Variants in DTD1 observed in about 807,000 individuals in gnomAD.
The protein encoded by DTD1 is D-aminoacyl-tRNA deacylase 1.
DTD1 carries 13 observed loss-of-function variants against 25.6 expected under a neutral mutation model. The ratio of observed to expected loss-of-function variants is 0.51; its 90% confidence interval spans 0.33 to 0.81. DTD1 has a LOEUF of 0.81. Ranked by LOEUF, DTD1 falls within the 30% of genes least tolerant of loss-of-function variation. The pLI is 0.02. For missense variants in DTD1, 193 were observed against 266.4 expected, an observed-to-expected ratio of 0.72 and a Z score of 1.92; for synonymous variants, 110 against 103.6, an observed-to-expected ratio of 1.06 and a Z score of -0.37.
intron 4 of DTD1, among the ~76,000 whole-genome samples, chr20:18,663,045 C>T (rs2122375709): frequency 6.6e-6 from 1 of 152,288 alleles, no homozygotes; most frequent in South Asian, 2.1e-4. Context: ...GTCTTATCCT[C>T]TCACTTCCCT....
intron 4 of DTD1, among the ~76,000 whole-genome samples, chr20:18,657,015 TG>T (rs1471799737): frequency 1.5e-4 from 23 of 152,248 alleles, no homozygotes; most frequent in Non-Finnish European, 4.4e-5. Flanking sequence ...CCTTAATGGT[TG>T]TTTTTTTTGT....
chr20:18,656,644 A>G (rs998777214), intron 4 of DTD1, among the ~76,000 whole-genome samples: 2 of 152,142 alleles, frequency 1.3e-5, no homozygotes, highest in Non-Finnish European at 2.9e-5. Flanking sequence ...GCCATTGTAG[A>G]TTTGACAGCT....
At chr20:18,690,186 G>C (rs984449087) in intron 4 of DTD1, among the ~76,000 whole-genome samples, 3 of 128,440 alleles carry the variant, frequency 2.3e-5, no homozygotes, top group African/African-American at 8.3e-5. Context: ...GTAAAAAATT[G>C]AATTATTTGT....
intron 4 of DTD1, among the ~76,000 whole-genome samples, chr20:18,634,479 A>G (rs1352476097): frequency 6.6e-6 from 1 of 152,224 alleles, no homozygotes; most frequent in South Asian, 2.1e-4. Context: ...TCAAGTATAC[A>G]TGTTTGAGTT....
intron 4 of DTD1, among the ~76,000 whole-genome samples, chr20:18,693,336 T>C: frequency 6.6e-6 from 1 of 152,232 alleles, no homozygotes; most frequent in South Asian, 2.1e-4. Context: ...ACATTGTTTG[T>C]TGTTTTCTGC....
intron 4 of DTD1, among the ~76,000 whole-genome samples, chr20:18,655,237 A>G (rs921394624): frequency 3.3e-5 from 5 of 152,232 alleles, no homozygotes; most frequent in African/African-American, 4.8e-5. Context: ...ACTCTCTTCA[A>G]TTAATCCAGA....
chr20:18,670,841 C>G (rs894023817), intron 4 of DTD1, among the ~76,000 whole-genome samples: 2 of 152,204 alleles, frequency 1.3e-5, no homozygotes, highest in Non-Finnish European at 2.9e-5. Flanking sequence ...TTGTCATCAT[C>G]ATCAGTATCA....
chr20:18,593,618 A>G, intron 1 of DTD1, 113 bp from the exon 2 acceptor site: 1 of 732,404 alleles, frequency 1.4e-6, no homozygotes, highest in South Asian at 1.6e-5. Flanking sequence ...GACTTTAACC[A>G]AAGAAGTTAT....
At chr20:18,596,984 A>G (rs1229143829) in intron 3 of DTD1, among the ~76,000 whole-genome samples, 2 of 152,298 alleles carry the variant, frequency 1.3e-5, no homozygotes, top group Non-Finnish European at 2.9e-5. Context: ...GGTTCACTCT[A>G]ATATTCTCTG....
intron 5 of DTD1, among the ~76,000 whole-genome samples, chr20:18,745,755 A>G (rs559730731): frequency 1.3e-5 from 2 of 152,272 alleles, no homozygotes; most frequent in Admixed American, 6.5e-5. Context: ...AACTTAGAGA[A>G]ATAGGAGGTC....
chr20:18,720,126 G>C (rs933852196), intron 4 of DTD1, among the ~76,000 whole-genome samples: 2 of 152,126 alleles, frequency 1.3e-5, no homozygotes, highest in Non-Finnish European at 2.9e-5. Context: ...GACCATGGCT[G>C]GTTTGTAAAG....
At chr20:18,670,593 G>C (rs2060948443) in intron 4 of DTD1, among the ~76,000 whole-genome samples, 1 of 152,250 alleles carries the variant, frequency 6.6e-6, no homozygotes, top group Admixed American at 6.5e-5. Flanking sequence ...GCAGTGCACA[G>C]AGTAGGCAGT....
chr20:18,646,749 G>A (rs552621592), intron 4 of DTD1, among the ~76,000 whole-genome samples: 61 of 152,250 alleles, frequency 4.0e-4, no homozygotes, highest in Non-Finnish European at 7.4e-4. Context: ...GGCTGTCTCT[G>A]TTGACAGTGT....
chr20:18,593,772 G>A lies in DTD1; in HGVS notation c.85G>A (p.Val29Met). The change falls in exon 2 of 6, where the codon GTG (valine) becomes ATG (methionine). Residue 29 changes from valine to methionine, a missense_variant. Coordinates refer to ENST00000377452, the MANE Select transcript of DTD1 (RefSeq NM_080820.6). ...TAGTGCCATTGGAAGGGGCATATGT[G>A]TGTTGCTGGGTATTTCCCTGGAGGA... ...QISAIGRGIC[V>M]LLGISLEDTQ... The A allele has an allele frequency of 6.2e-7, 1 of 1,614,100 alleles. No individual in the cohort carries two copies. Among genetic ancestry groups the A allele is most frequent in the Non-Finnish European group, 8.5e-7 (1 of 1,179,950 alleles).
intron 4 of DTD1, among the ~76,000 whole-genome samples, chr20:18,726,163 C>T (rs539808606): frequency 2.6e-5 from 4 of 152,258 alleles, no homozygotes; most frequent in African/African-American, 9.6e-5. Flanking sequence ...GGAGTGGAGT[C>T]GCCTCTGGCA....
rs146135248 is a variant in DTD1 at position 18,721,071 on chromosome 20, T to C, written c.478-23029T>C. Among the ~76,000 whole-genome samples, 371 of 152,282 alleles carry C rather than the reference T, an allele frequency of 2.4e-3. 7 individuals are homozygous for C. The highest frequency in any genetic ancestry group is 0.02 in the Admixed American group (303 of 15,300). On this transcript the variant is annotated intron_variant, in intron 4 of 5. Coordinates refer to ENST00000377452, the MANE Select transcript of DTD1 (RefSeq NM_080820.6). Reference sequence around the variant, plus strand: ...TCTGGCATGACAACCGCTATGCCTTTTATTTCCTTTTCTTGTCTTACTGCA... The same window carrying C: ...TCTGGCATGACAACCGCTATGCCTTCTATTTCCTTTTCTTGTCTTACTGCA...
At chr20:18,759,465 A>G (rs962382969) in intron 5 of DTD1, among the ~76,000 whole-genome samples, 4 of 152,140 alleles carry the variant, frequency 2.6e-5, no homozygotes, top group African/African-American at 9.7e-5. Context: ...GCTTGTCTGT[A>G]AAGTATTTTA....
intron 3 of DTD1, among the ~76,000 whole-genome samples, chr20:18,606,781 G>T (rs771184420): frequency 4.3e-5 from 4 of 92,932 alleles, no homozygotes; most frequent in African/African-American, 8.9e-5. Flanking sequence ...ACTGTGGTGG[G>T]GGGGGGGAGG....
Position 18,737,303 on chromosome 20 carries a change from TG to T in DTD1, c.478-6795del, listed in dbSNP as rs200914989. Among the ~76,000 whole-genome samples, 169 of 152,316 alleles carry T rather than the reference TG, an allele frequency of 1.1e-3. 3 individuals carry two copies. In the East Asian group the frequency reaches 0.026, roughly 24 times the overall value. ...TAGACACTCGGGTGATGCCAGTCCC[TG>T]GAGTGCCCCTGCCTTCTCACCCCCA... is the stretch of plus-strand genomic sequence containing the variant. On this transcript the variant is annotated intron_variant, in intron 4 of 5. Transcript: ENST00000377452.
Sources: gnomAD v4.1 joint callset for allele counts (sites outside exome capture counted in the v4.1 genomes callset) on GRCh38, gnomAD v4.1.1 for gene constraint, MANE v1.5 for transcripts, NCBI Gene and HGNC (gene_info 2026-07-23, HGNC 2026-07-21) for gene names.